The following XXYLT1 variants were observed in gnomAD, a reference collection of about 807,000 sequenced individuals.
The protein encoded by XXYLT1 is xyloside xylosyltransferase 1.
A neutral mutation model predicts 28.9 loss-of-function variants in XXYLT1; 20 were observed. That is an observed-to-expected ratio of 0.69 (90% CI 0.49 to 1.00). XXYLT1 has a LOEUF of 1.00. Ranked by LOEUF, XXYLT1 falls within the 50% of genes least tolerant of loss-of-function variation. XXYLT1 has a pLI of 0.00. For synonymous variants in XXYLT1, 257 were observed against 253.8 expected, an observed-to-expected ratio of 1.01 and a Z score of -0.12; for missense variants, 542 against 560.1, an observed-to-expected ratio of 0.97 and a Z score of 0.33.
chr3:195,110,542 T>TG lies in XXYLT1; in HGVS notation c.786-40432dup, dbSNP rs1291093016. 1.1e-3 allele frequency among the ~76,000 whole-genome samples: 17 copies of TG among 14,896 alleles called. 3 individuals carry two copies. The highest frequency in any genetic ancestry group is 1.7e-3 in the African/African-American group (10 of 5,832). 9.8% of individuals were successfully genotyped at this position (14,896 alleles called of 152,430 possible). ...TGTGCGTGGTGTACGTGTGCGTGTG[T>TG]GTGGTGTGTGTGTGGTGTATGTATG... On this transcript the variant is annotated intron_variant, in intron 3 of 3. Transcript: ENST00000310380.
rs1718798063 is a variant in XXYLT1 at position 195,129,519 on chromosome 3, C to T, written c.785+26930G>A. Among the ~76,000 whole-genome samples the T allele has an allele frequency of 6.6e-6, 1 of 152,184 alleles. No individual in the cohort carries two copies. Among genetic ancestry groups the T allele is most frequent in the Non-Finnish European group, 1.5e-5 (1 of 68,046 alleles). ...TCTGTGACGGGCTTCTTTCACTCGT[C>T]TTAATGCTTTCAAGGTGCATCGTGC... On this transcript the variant is annotated intron_variant, in intron 3 of 3. Coordinates refer to ENST00000310380, the MANE Select transcript of XXYLT1 (RefSeq NM_152531.5). The surrounding 1 kb of genome is among the most constrained non-coding windows in gnomAD (Gnocchi z 4.4).
chr3:195,151,641 TAAAC>T (rs1230943792), intron 3 of XXYLT1, among the ~76,000 whole-genome samples: 2 of 152,128 alleles, frequency 1.3e-5, no homozygotes, highest in Non-Finnish European at 2.9e-5. Context: ...TTAGTATAAA[TAAAC>T]GATTATTTAT....
chr3:195,123,369 C>T (rs921951598), intron 3 of XXYLT1, among the ~76,000 whole-genome samples: 6 of 152,106 alleles, frequency 3.9e-5, no homozygotes, highest in South Asian at 2.1e-4. Context: ...GGCCGGCTGA[C>T]GGAATTACAG....
intron 3 of XXYLT1, among the ~76,000 whole-genome samples, chr3:195,089,676 A>G (rs1163084612): frequency 2.6e-4 from 39 of 152,112 alleles, no homozygotes; most frequent in African/African-American, 9.2e-4. Context: ...ACACATAACA[A>G]TATTAACTTT....
At chr3:195,262,943 T>TCTCC (rs1288311061) in intron 1 of XXYLT1, among the ~76,000 whole-genome samples, 1 of 152,210 alleles carries the variant, frequency 6.6e-6, no homozygotes, top group Non-Finnish European at 1.5e-5. Flanking sequence ...TCAAAGAGCC[T>TCTCC]CTCCCTTCAG....
At chr3:195,099,249 A>C (rs1716629631) in intron 3 of XXYLT1, among the ~76,000 whole-genome samples, 3 of 152,218 alleles carry the variant, frequency 2.0e-5, no homozygotes, top group Admixed American at 2.0e-4. Context: ...TCAGCTTCAC[A>C]CATACGAGGT....
intron 1 of XXYLT1, among the ~76,000 whole-genome samples, chr3:195,263,951 T>C (rs752205): frequency 1.2e-4 from 18 of 152,340 alleles, no homozygotes; most frequent in Non-Finnish European, 2.5e-4. Flanking sequence ...CCTTCTTCAT[T>C]GTTCTGTGCT....
chr3:195,098,830 G>A (rs560424479), intron 3 of XXYLT1, among the ~76,000 whole-genome samples: 12 of 152,156 alleles, frequency 7.9e-5, no homozygotes, highest in Non-Finnish European at 1.5e-4. Flanking sequence ...CACTACCTAC[G>A]GGTGGGACCC....
Position 195,069,695 on chromosome 3 carries a change from G to C in XXYLT1, c.*20C>G, listed in dbSNP as rs543358668. On this transcript the variant is annotated 3_prime_UTR_variant, in exon 4 of 4. Coordinates refer to ENST00000310380, the MANE Select transcript of XXYLT1 (RefSeq NM_152531.5). ...CTTCCCCCAGATCTGGAGGCCCCGGGGGCAAGGCACGGGGAGCGCCTAGTC... is the reference window on the plus strand; with the variant it reads ...CTTCCCCCAGATCTGGAGGCCCCGGCGGCAAGGCACGGGGAGCGCCTAGTC... 6 of 1,597,084 alleles carry C rather than the reference G, an allele frequency of 3.8e-6. No individual in the cohort carries two copies. The highest frequency in any genetic ancestry group is 5.1e-6 in the Non-Finnish European group (6 of 1,172,906).
chr3:195,264,442 G>C (rs1725780261), intron 1 of XXYLT1, among the ~76,000 whole-genome samples: 1 of 152,226 alleles, frequency 6.6e-6, no homozygotes, highest in Non-Finnish European at 1.5e-5. Context: ...TTCAGGCTCT[G>C]CACAAATGGC....
chr3:195,182,048 T>C (rs1203186522), intron 2 of XXYLT1, among the ~76,000 whole-genome samples: 1 of 152,208 alleles, frequency 6.6e-6, no homozygotes, highest in African/African-American at 2.4e-5. Context: ...ACAGACACTG[T>C]GAAGGGCATA....
At chr3:195,092,693 C>T (rs1224095548) in intron 3 of XXYLT1, among the ~76,000 whole-genome samples, 5 of 113,372 alleles carry the variant, frequency 4.4e-5, no homozygotes, top group Non-Finnish European at 8.5e-5. Flanking sequence ...TCTAATTAAA[C>T]TAAAGAGCTT....
intron 1 of XXYLT1, among the ~76,000 whole-genome samples, chr3:195,246,647 G>A (rs1725034464): frequency 6.6e-6 from 1 of 152,178 alleles, no homozygotes; most frequent in African/African-American, 2.4e-5. Context: ...AGGCTGATGA[G>A]GAATAAACCA....
chr3:195,141,115 A>G (rs566877590), intron 3 of XXYLT1, among the ~76,000 whole-genome samples: 16 of 152,334 alleles, frequency 1.1e-4, no homozygotes, highest in Admixed American at 9.1e-4. Flanking sequence ...TTCCCAGCCT[A>G]AAGAACTGTG....
At chr3:195,252,177 A>G (rs1462663998) in intron 1 of XXYLT1, among the ~76,000 whole-genome samples, 1 of 152,264 alleles carries the variant, frequency 6.6e-6, no homozygotes, top group Non-Finnish European at 1.5e-5. Flanking sequence ...TAATACATAT[A>G]TATTTTATGC....
intron 1 of XXYLT1, among the ~76,000 whole-genome samples, chr3:195,237,666 C>CAGG (rs1189438520): frequency 6.6e-6 from 1 of 151,968 alleles, no homozygotes; most frequent in African/African-American, 2.4e-5. Context: ...CCTTTTATGC[C>CAGG]ACATTGGTCC....
Position 195,271,037 on chromosome 3 carries a change from G to T in XXYLT1, c.22C>A (p.Leu8Ile), listed in dbSNP as rs942160160. The stretch of plus-strand genomic sequence containing the variant: ...CGCGCCATGGCCCGAGCGCATGGGA[G>T]CCCGCCTCGGAGGAGGCCCATGCGC... The part of the protein sequence containing the change: MGLLRGG[L>I]PCARAMARLG... The change falls in exon 1 of 4, where the codon CTC becomes ATC. Residue 8 changes from leucine (L) to isoleucine (I), a missense_variant. Transcript: ENST00000310380. The T allele has an allele frequency of 2.8e-6, 4 of 1,452,732 alleles. No homozygotes were observed. Among genetic ancestry groups the T allele is most frequent in the Non-Finnish European group, 3.6e-6 (4 of 1,107,468 alleles). 90.0% of individuals were successfully genotyped at this position (1,452,732 alleles called of 1,614,324 possible).
In XXYLT1 at chr3:195,226,768, G is replaced by A. The variant is rs1211701748; in HGVS notation, c.593C>T (p.Thr198Ile). 2.9e-5 allele frequency: 46 copies of A among 1,613,744 alleles called. No homozygotes were observed. The change falls in exon 2 of 4, where the codon ACC becomes ATC. Residue 198 changes from threonine (T) to isoleucine (I), a missense_variant. Transcript: ENST00000310380. ...GAAGAAGATGGAGTCACTGTAGTAG[G>A]TTCCCAAGCCAGCACTGAAGTGCTT... ...MQKHFSAGLG[T>I]YYSDSIFFLS...
intron 3 of XXYLT1, among the ~76,000 whole-genome samples, chr3:195,102,452 G>A (rs749069449): frequency 2.3e-4 from 35 of 151,948 alleles, no homozygotes; most frequent in Middle Eastern, 3.4e-3. Context: ...CCCTCGCCGT[G>A]GCCACGGTAA....
Sources: gnomAD v4.1 joint callset for allele counts (sites outside exome capture counted in the v4.1 genomes callset) on GRCh38, gnomAD v4.1.1 for gene constraint, Gnocchi (gnomAD v3.1) non-coding constraint, MANE v1.5 for transcripts, NCBI Gene and HGNC (gene_info 2026-07-23, HGNC 2026-07-21) for gene names.